HPS5: variants seen among roughly 807,000 people sequenced by gnomAD.
HPS5 encodes HPS5 biogenesis of lysosomal organelles complex 2 subunit 2, also known as BLOC-2 complex member HPS5.
In HPS5, 83 loss-of-function variants were observed where a neutral mutation model predicts 128.0. The ratio of observed to expected loss-of-function variants is 0.65; its 90% CI spans 0.54 to 0.78. The LOEUF (loss-of-function observed/expected upper bound fraction) is 0.78. Among genes scored for constraint, HPS5 ranks in the 30% least tolerant of loss-of-function variants. The pLI is 0.00. For synonymous variants in HPS5, 475 were observed against 470.2 expected, an observed-to-expected ratio of 1.01 and a Z score of -0.13; for missense variants, 1,281 against 1,326.2, an observed-to-expected ratio of 0.97 and a Z score of 0.53.
chr11:18,299,776 C>A (rs889412226), intron 9 of HPS5, among the ~76,000 whole-genome samples: 1 of 152,278 alleles, frequency 6.6e-6, no homozygotes, highest in South Asian at 2.1e-4. Context: ...GGAAAAATAA[C>A]CTGTTTGTTC....
At chr11:18,287,098 G>C (rs1859843930) in intron 18 of HPS5, among the ~76,000 whole-genome samples, 2 of 152,170 alleles carry the variant, frequency 1.3e-5, no homozygotes, top group Admixed American at 1.3e-4. Context: ...AAGAAGAAAG[G>C]AGGAAGCCGC....
At chr11:18,280,039 G>T in intron 22 of HPS5, 97 bp from the exon 23 acceptor site, 1 of 1,243,432 alleles carries the variant, frequency 8.0e-7, no homozygotes, top group Non-Finnish European at 1.2e-6. Flanking sequence ...GATTCAAAAA[G>T]TTGACTGATT....
At chr11:18,308,000 A>G (rs1017651366) in intron 6 of HPS5, among the ~76,000 whole-genome samples, 3 of 152,132 alleles carry the variant, frequency 2.0e-5, no homozygotes, top group Non-Finnish European at 4.4e-5. Context: ...AAAACTCTCC[A>G]TGATAAATTT....
chr11:18,286,302 T>G (rs1267604571), intron 19 of HPS5, among the ~76,000 whole-genome samples: 1 of 152,112 alleles, frequency 6.6e-6, no homozygotes, highest in Non-Finnish European at 1.5e-5. Flanking sequence ...CCCAGCACTT[T>G]GTGAGGCCAA....
intron 20 of HPS5, 86 bp from the exon 21 acceptor site, chr11:18,283,987 CATGTGGCTATTTCAATTTAAATTA>C (rs1309381679): frequency 1.2e-6 from 1 of 833,648 alleles, no homozygotes; most frequent in Non-Finnish European, 2.0e-6. Context: ...GACACAGTCA[CATGTGGCTATTTCAATTTAAATTA>C]ATTAAAAGTA....
chr11:18,297,457 A>T, intron 11 of HPS5, 102 bp downstream of exon 11: 1 of 1,115,194 alleles, frequency 9.0e-7, no homozygotes, highest in Non-Finnish European at 1.3e-6. Flanking sequence ...AAAAAACATA[A>T]ATGGAAAGGA....
chr11:18,292,931 G>T lies in HPS5; in HGVS notation c.1830C>A (p.Phe610Leu), dbSNP rs1590075487. The change falls in exon 15 of 23, where the codon TTC (phenylalanine) becomes TTA (leucine). Residue 610 changes from phenylalanine to leucine, a missense_variant. Physicochemically the swap from Phe to Leu is conservative, Grantham distance 22. Transcript: ENST00000349215. ...CTGCTGTTGCTACTTTAAGCTCCTGGAACCTGTCTTCTTCTGGAGGTGGAC... is the reference window on the plus strand; with the variant it reads ...CTGCTGTTGCTACTTTAAGCTCCTGTAACCTGTCTTCTTCTGGAGGTGGAC... ...VTSPPPEEDRFQELKVATAEA... is the reference protein window; with the variant it reads ...VTSPPPEEDRLQELKVATAEA... The T allele has an allele frequency of 6.2e-7, 1 of 1,613,994 alleles. No individual in the cohort carries two copies. The highest frequency in any genetic ancestry group is 1.6e-4 in the Middle Eastern group (1 of 6,062).
chr11:18,287,439 G>C, intron 18 of HPS5, 96 bp downstream of exon 18: 3 of 1,357,820 alleles, frequency 2.2e-6, no homozygotes, highest in Non-Finnish European at 3.2e-6. Flanking sequence ...TCAACCCCTT[G>C]GTAATTAACA....
rs1863822922 is a variant in HPS5, at chr11:18,317,787, T to C, written c.72A>G (p.Leu24=). The change falls in exon 2 of 23, where the codon TTA becomes TTG. Residue 24 remains leucine, a synonymous_variant. Coordinates refer to ENST00000349215, the MANE Select transcript of HPS5 (RefSeq NM_181507.2). ...VLAEFESLDP[L]LSALRLDSSR... ...TGGAGTCCAGCCGCAGGGCTGAGAG[T>C]AATGGATCCAGAGATTCAAACTCTG... 1.2e-6 allele frequency: 2 copies of C among 1,613,534 alleles called. No individual in the cohort carries two copies. Among genetic ancestry groups the C allele is most frequent in the Non-Finnish European group, 8.5e-7 (1 of 1,179,884 alleles).
At chr11:18,297,776 C>T in intron 10 of HPS5, 59 bp from the exon 11 acceptor site, 2 of 1,518,546 alleles carry the variant, frequency 1.3e-6, no homozygotes, top group Non-Finnish European at 1.8e-6. Flanking sequence ...ATTCAAATGG[C>T]CAATATATTG....
At chr11:18,313,058 T>C (rs1043991464) in intron 2 of HPS5, among the ~76,000 whole-genome samples, 2 of 152,228 alleles carry the variant, frequency 1.3e-5, no homozygotes, top group Admixed American at 1.3e-4. Flanking sequence ...AGTATCTCCT[T>C]TAGGGCAGTA....
At chr11:18,315,306 C>T (rs1377288035) in intron 2 of HPS5, among the ~76,000 whole-genome samples, 3 of 152,192 alleles carry the variant, frequency 2.0e-5, no homozygotes, top group Admixed American at 6.5e-5. Context: ...ATTTCCTTAT[C>T]TGACCAAGAA....
chr11:18,319,451 AG>A (rs1292893679), intron 1 of HPS5, among the ~76,000 whole-genome samples: 5 of 152,204 alleles, frequency 3.3e-5, no homozygotes, highest in Non-Finnish European at 7.4e-5. Context: ...GGTAGCAGGT[AG>A]GGTAGCAATA....
rs1434470974 is a variant in HPS5 at position 18,278,993 on chromosome 11, TAGTC to T, written c.*885_*888del. ...AGATAACACATTTCTAAGAATGAAT[TAGTC>T]AGCTGTATATGGGTTCAGATTAGAA... On this transcript the variant is annotated 3_prime_UTR_variant, in exon 23 of 23. Transcript: ENST00000349215. The T allele has an allele frequency of 2.6e-5, 4 of 152,390 alleles. No individual in the cohort carries two copies. Among genetic ancestry groups the T allele is most frequent in the East Asian group, 1.9e-4 (1 of 5,190 alleles). The allele number at this position is 152,390 out of a possible 1,614,324, so 9.4% of individuals were successfully genotyped here.
rs1861385393 is a variant in HPS5, at chr11:18,298,877, C to T, written c.1079G>A (p.Cys360Tyr). Reference protein sequence around the residue: ...SHLSLISVERCVERLLRRGLW... With the variant: ...SHLSLISVERYVERLLRRGLW... ...GCCTCTTCTTAGCAGGCGTTCCACA[C>T]AGCGCTCCACAGATATCAGGGAGAG... The change falls in exon 10 of 23, where the codon TGT (cysteine) becomes TAT (tyrosine). Residue 360 changes from cysteine to tyrosine, a missense_variant. By Grantham distance (194) the Cys-to-Tyr change is radical (BLOSUM62 -2). Coordinates refer to ENST00000349215, the MANE Select transcript of HPS5 (RefSeq NM_181507.2). 1.2e-6 allele frequency: 2 copies of T among 1,614,078 alleles called. No homozygotes were observed. Among genetic ancestry groups the T allele is most frequent in the Admixed American group, 3.3e-5 (2 of 60,004 alleles).
At chr11:18,284,991 T>C (rs1445318692) in intron 20 of HPS5, among the ~76,000 whole-genome samples, 1 of 152,160 alleles carries the variant, frequency 6.6e-6, no homozygotes, top group African/African-American at 2.4e-5. Context: ...TGAGCCCATT[T>C]TGATCTCTCT....
chr11:18,321,916 A>T (rs940557036), intron 1 of HPS5, 30 bp downstream of exon 1: 1 of 152,258 alleles, frequency 6.6e-6, no homozygotes, highest in Non-Finnish European at 1.5e-5. Flanking sequence ...CCCTACCCAC[A>T]AAAAGCTCCT....
At chr11:18,311,508 ATTATTT>A (rs1862995739) in intron 3 of HPS5, 57 bp from the exon 4 acceptor site, 3 of 779,128 alleles carry the variant, frequency 3.9e-6, no homozygotes, top group South Asian at 2.3e-5. Flanking sequence ...TATTATTATT[ATTATTT>A]TTTTTTTTTT....
chr11:18,322,114 T>C lies in HPS5; in HGVS notation c.-218A>G, dbSNP rs1479612806. 1.3e-5 allele frequency: 2 copies of C among 152,334 alleles called. No homozygotes were observed. The highest frequency in any genetic ancestry group is 1.9e-4 in the East Asian group (1 of 5,192). The allele number at this position is 152,334 out of a possible 1,614,324, so 9.4% of individuals were successfully genotyped here. A position where few individuals can be genotyped will look rare whatever the true frequency, so the allele number is the denominator to read the frequency against. On this transcript the variant is annotated 5_prime_UTR_variant, in exon 1 of 23. Coordinates refer to ENST00000349215, the MANE Select transcript of HPS5 (RefSeq NM_181507.2). ...AGTAGATCGGATCTTGTCTCCCGGCTTAGCGCCGGGGAACTCACCGCGCAC... is the reference window on the plus strand; with the variant it reads ...AGTAGATCGGATCTTGTCTCCCGGCCTAGCGCCGGGGAACTCACCGCGCAC...
Sources: allele counts gnomAD v4.1 joint callset (sites outside exome capture counted in the v4.1 genomes callset), GRCh38; gene constraint gnomAD v4.1.1; transcripts MANE v1.5; gene names NCBI Gene and HGNC (gene_info 2026-07-23, HGNC 2026-07-21).